The following WDR81 variants were observed in gnomAD, a reference collection of about 807,000 sequenced individuals.
WDR81 encodes the protein WD repeat domain 81, also known as WD repeat-containing protein 81.
Under a neutral mutation model 140.8 loss-of-function variants are expected in WDR81, and 92 were observed. The observed-to-expected ratio is 0.65, with a 90% confidence interval of 0.55 to 0.78. The LOEUF (loss-of-function observed/expected upper bound fraction) is 0.78, where lower values mean the gene tolerates loss of function less well. Ranked by LOEUF, WDR81 falls within the 30% of genes least tolerant of loss-of-function variation. The pLI is 0.00. For missense variants in WDR81, 2,502 were observed against 2,636.4 expected (o/e 0.95, Z 1.12); for synonymous variants, 1,183 against 1,156.4 (o/e 1.02, Z -0.47).
chr17:1,733,909 G>T lies in WDR81; in HGVS notation c.4872G>T (p.Glu1624Asp). 6.2e-7 allele frequency: 1 copy of T among 1,612,780 alleles called. No individual in the cohort carries two copies. Among genetic ancestry groups the T allele is most frequent in the Middle Eastern group, 1.6e-4 (1 of 6,062 alleles). Residue 1624 changes from glutamate to aspartate, a missense_variant, in exon 7 of 10, where the codon GAG (glutamate) becomes GAT (aspartate). Around this residue, in one of 3 missense-constraint regions of WDR81, gnomAD observed 1,737 missense variants for 1,843.0 expected, o/e 0.94. Coordinates refer to ENST00000409644, the MANE Select transcript of WDR81 (RefSeq NM_001163809.2). The stretch of plus-strand genomic sequence containing the variant: ...ACTGGCTGGCGTACTGGCAGTACGA[G>T]ATCGGCGTGAGCCAGCAGGATGCCC... ...SGNWLAYWQY[E>D]IGVSQQDAHF...
At position 1,726,467 on chromosome 17, in the gene WDR81, G is replaced by A; in HGVS notation, c.1508G>A (p.Arg503His). Residue 503 changes from arginine to histidine, a missense_variant, in exon 1 of 10, where the codon CGC becomes CAC. Arg to His is a conservative substitution (Grantham distance 29). Transcript: ENST00000409644. ...PEFYTDPSIF[R>H]SIHPDMPDLD... ...TTCTACACCGATCCCTCTATCTTCC[G>A]CTCCATCCACCCCGACATGCCTGAC... 1.6e-5 allele frequency: 25 copies of A among 1,550,418 alleles called. No individual in the cohort carries two copies. Among genetic ancestry groups the A allele is most frequent in the East Asian group, 2.4e-5 (1 of 40,910 alleles).
In WDR81 at chr17:1,733,666, C is replaced by T. The variant is rs1334304433; in HGVS notation, c.4629C>T (p.Asp1543=). Residue 1543 remains aspartate (D), a synonymous_variant, in exon 7 of 10, where the codon GAC becomes GAT. Coordinates refer to ENST00000409644, the MANE Select transcript of WDR81 (RefSeq NM_001163809.2). ...PTMPGTGPEW[D]PHGGGCPQDD... is the part of the protein sequence containing the mutation. ...TGCCCGGCACCGGGCCCGAGTGGGA[C>T]CCCCATGGTGGGGGCTGCCCTCAGG... 1 of 1,609,344 alleles carries T rather than the reference C, an allele frequency of 6.2e-7. No homozygotes were observed. The highest frequency in any genetic ancestry group is 2.2e-5 in the East Asian group (1 of 44,792).
chr17:1,728,002 G>C lies in WDR81; in HGVS notation c.3043G>C (p.Ala1015Pro), dbSNP rs764589452. The change falls in exon 1 of 10, where the codon GCA becomes CCA. Residue 1015 changes from alanine to proline, a missense_variant. Ala to Pro is a conservative substitution (Grantham distance 27, BLOSUM62 -1). Coordinates refer to ENST00000409644, the MANE Select transcript of WDR81 (RefSeq NM_001163809.2). ...CCATGTCCTGCAGGTGCTGGCGGGC[G>C]CAGAGGCCTCCCAGGAGGAGAGCAA... ...LPHVLQVLAGAEASQEESKDL... is the reference protein window; with the variant it reads ...LPHVLQVLAGPEASQEESKDL... 1 of 1,551,086 alleles carries C rather than the reference G, an allele frequency of 6.4e-7. No individual in the cohort carries two copies. The highest frequency in any genetic ancestry group is 1.2e-5 in the South Asian group (1 of 84,250).
Position 1,724,856 on chromosome 17 carries a change from T to C in WDR81, c.-104T>C. 4.8e-6 allele frequency: 6 copies of C among 1,242,346 alleles called. No individual in the cohort carries two copies. Among genetic ancestry groups the C allele is most frequent in the Non-Finnish European group, 6.0e-6 (6 of 994,206 alleles). 77.0% of individuals were successfully genotyped at this position (1,242,346 alleles called of 1,614,324 possible). A position where few individuals can be genotyped will look rare whatever the true frequency, so the allele number is the denominator to read the frequency against. Reference sequence around the variant, plus strand: ...GCGGCCGCCTCCGCCCCAGCCCCTGTCCCGCGCCCATCCCAGCCCCGCCGG... The same window carrying C: ...GCGGCCGCCTCCGCCCCAGCCCCTGCCCCGCGCCCATCCCAGCCCCGCCGG... On this transcript the variant is annotated 5_prime_UTR_variant, in exon 1 of 10. Transcript: ENST00000409644.
chr17:1,723,687 G>A (rs1221210371), upstream of WDR81, among the ~76,000 whole-genome samples: 2 of 151,672 alleles, frequency 1.3e-5, no homozygotes, highest in Admixed American at 6.6e-5. Flanking sequence ...GGGTTTCACC[G>A]TGTTAGCCAG....
At chr17:1,733,052 TC>T (rs1478154998) in intron 6 of WDR81, 1 of 566,650 alleles carries the variant, frequency 1.8e-6, no homozygotes, top group African/African-American at 1.9e-5. Flanking sequence ...GCCTGTAGTG[TC>T]CCTGGGGAAG....
At chr17:1,718,896 C>T (rs1267808567) in intron 1 of WDR81, among the ~76,000 whole-genome samples, 2 of 152,240 alleles carry the variant, frequency 1.3e-5, no homozygotes, top group Admixed American at 6.5e-5. Context: ...TCCAGGGTTT[C>T]GCCACCTCAG....
chr17:1,737,270 G>A, intron 9 of WDR81, 95 bp from the exon 10 acceptor site: 1 of 1,302,058 alleles, frequency 7.7e-7, no homozygotes, highest in Non-Finnish European at 1.0e-6. Context: ...CTGTCTCCCT[G>A]GAGAGAAACT....
chr17:1,736,845 G>A (rs767664752), intron 9 of WDR81, among the ~76,000 whole-genome samples: 2 of 152,188 alleles, frequency 1.3e-5, no homozygotes, highest in Non-Finnish European at 2.9e-5. Context: ...GAGGCCAGGA[G>A]TCTTGCATTG....
chr17:1,730,597 C>T, intron 2 of WDR81, 110 bp downstream of exon 2: 1 of 1,412,108 alleles, frequency 7.1e-7, no homozygotes, highest in Non-Finnish European at 9.5e-7. Flanking sequence ...AAACCACCCC[C>T]CGGCCAGGTG....
intron 6 of WDR81, among the ~76,000 whole-genome samples, chr17:1,733,222 AC>A (rs911940315): frequency 2.6e-5 from 4 of 152,014 alleles, no homozygotes; most frequent in African/African-American, 9.7e-5. Context: ...CCTTGTGGTT[AC>A]ACCTGTTATC....
chr17:1,725,619 G>A lies in WDR81; in HGVS notation c.660G>A (p.Arg220=). 6.5e-7 allele frequency: 1 copy of A among 1,545,424 alleles called. No homozygotes were observed. Residue 220 remains arginine (R), a synonymous_variant, in exon 1 of 10, where the codon CGG becomes CGA. Transcript: ENST00000409644. ...GCCCTGCTTGCCCTAGTCTTTTACG[G>A]GCTGAGGCCTTGCTGGAGTCGCCGG... ...RGSPACPSLL[R]AEALLESPEM... is the part of the protein sequence containing the mutation.
chr17:1,729,000 A>G (rs563225192), intron 1 of WDR81, among the ~76,000 whole-genome samples: 3 of 152,274 alleles, frequency 2.0e-5, no homozygotes, highest in African/African-American at 7.2e-5. Flanking sequence ...CTCCCTGCAC[A>G]CTGGCAGAGC....
Position 1,736,173 on chromosome 17 carries a change from T to A in WDR81, c.5460T>A (p.Val1820=). 6.3e-7 allele frequency: 1 copy of A among 1,599,970 alleles called. No individual in the cohort carries two copies. Among genetic ancestry groups the A allele is most frequent in the Non-Finnish European group, 8.5e-7 (1 of 1,179,686 alleles). ...MVLLDTRTGL[V]LRGWPAHEGD... is the part of the protein sequence containing the mutation. ...TCCTGGACACCCGCACAGGCCTGGT[T>A]CTGCGAGGCTGGCCAGCCCACGAGG... The change falls in exon 9 of 10, where the codon GTT becomes GTA. Residue 1820 remains valine, a synonymous_variant. Coordinates refer to ENST00000409644, the MANE Select transcript of WDR81 (RefSeq NM_001163809.2).
chr17:1,731,341 G>T (rs1019327493), intron 4 of WDR81, 83 bp downstream of exon 4: 18 of 1,466,752 alleles, frequency 1.2e-5, no homozygotes, highest in Non-Finnish European at 1.6e-5. Flanking sequence ...CAGGGGAGAG[G>T]ACGTAACACT....
At chr17:1,717,206 G>GATCTA in intron 1 of WDR81, 1 of 153,994 alleles carries the variant, frequency 6.5e-6, no homozygotes, top group South Asian at 1.8e-4. Context: ...AGACCAATGA[G>GATCTA]CAGGCTGCTC....
At chr17:1,723,441 A>G (rs373487474), upstream of WDR81, among the ~76,000 whole-genome samples, 1 of 134,524 alleles carries the variant, frequency 7.4e-6, no homozygotes, top group East Asian at 2.1e-4. Context: ...ATTTGGTTTT[A>G]TTTTTATTTA....
intron 9 of WDR81, among the ~76,000 whole-genome samples, chr17:1,736,665 G>A (rs1904893850): frequency 6.6e-6 from 1 of 152,190 alleles, no homozygotes; most frequent in Non-Finnish European, 1.5e-5. Context: ...CTGGGGGCAG[G>A]AGCACGCCTG....
chr17:1,730,214 C>T (rs1046882059), intron 1 of WDR81, among the ~76,000 whole-genome samples, 166 bp from the exon 2 acceptor site: 2 of 152,040 alleles, frequency 1.3e-5, no homozygotes, highest in Non-Finnish European at 1.5e-5. Context: ...GGCCTGGGCA[C>T]CTCTGCCGCT....
Sources: gnomAD v4.1 joint callset for allele counts (sites outside exome capture counted in the v4.1 genomes callset) on GRCh38, gnomAD v4.1.1 for gene constraint, gnomAD v4.1.1 regional missense constraint, MANE v1.5 for transcripts, NCBI Gene and HGNC (gene_info 2026-07-23, HGNC 2026-07-21) for gene names.